PTPRN2: variants seen among roughly 807,000 people sequenced by gnomAD.
PTPRN2 encodes receptor-type tyrosine-protein phosphatase N2.
PTPRN2 carries 74 observed loss-of-function variants against 118.8 expected under a neutral mutation model. The ratio of observed to expected loss-of-function variants is 0.62; its 90% CI spans 0.52 to 0.76. The LOEUF (loss-of-function observed/expected upper bound fraction) is 0.76, where lower values mean the gene tolerates loss of function less well. Among genes scored for constraint, PTPRN2 ranks in the 30% least tolerant of loss-of-function variants. PTPRN2 has a pLI of 0.00. For missense variants in PTPRN2, 1,481 were observed against 1,394.4 expected, an observed-to-expected ratio of 1.06 and a Z score of -0.99; for synonymous variants, 641 against 608.0, an observed-to-expected ratio of 1.05 and a Z score of -0.80.
chr7:158,544,638 C>CA lies in PTPRN2; in HGVS notation c.112+42919dup, dbSNP rs201690453. On this transcript the variant is annotated intron_variant, in intron 1 of 22. Transcript: ENST00000389418. The surrounding 1 kb of genome is among the most constrained non-coding windows in gnomAD (Gnocchi z 4.2). ...GGGCAACAAGAACCAAACTCTGTCT[C>CA]AAAAAAAAAAAAAATTATGAGATTT... Among the ~76,000 whole-genome samples the CA allele has an allele frequency of 2.9e-3, 391 of 135,642 alleles. 4 individuals are homozygous for CA. The East Asian group carries it at 0.036, about 12-fold the overall frequency. The allele number at this position is 135,642 out of a possible 152,430, so 89.0% of individuals were successfully genotyped here.
intron 3 of PTPRN2, among the ~76,000 whole-genome samples, chr7:158,278,347 C>G (rs939724055): frequency 2.3e-4 from 33 of 144,660 alleles, no homozygotes; most frequent in Admixed American, 1.4e-3. Context: ...TACTAAAATA[C>G]AAAAAAAAAA....
chr7:157,725,465 T>C (rs1339516847), intron 12 of PTPRN2, among the ~76,000 whole-genome samples: 26 of 82,870 alleles, frequency 3.1e-4, no homozygotes, highest in African/African-American at 1.6e-3. Flanking sequence ...TGCAGAGGAG[T>C]GAGCCAGACC....
intron 14 of PTPRN2, among the ~76,000 whole-genome samples, chr7:157,631,738 A>G (rs936863497): frequency 2.0e-5 from 3 of 151,940 alleles, no homozygotes; most frequent in Non-Finnish European, 4.4e-5. Flanking sequence ...AGGCTGAGGC[A>G]GGAGAACGGC....
chr7:157,548,784 T>C (rs1798450370), intron 22 of PTPRN2, among the ~76,000 whole-genome samples, 162 bp downstream of exon 22: 2 of 152,098 alleles, frequency 1.3e-5, no homozygotes, highest in African/African-American at 4.8e-5. Flanking sequence ...GGCCCAGAAG[T>C]GACCCCGCCC....
At chr7:157,659,093 G>A (rs1563315387) in intron 13 of PTPRN2, among the ~76,000 whole-genome samples, 1 of 151,584 alleles carries the variant, frequency 6.6e-6, no homozygotes, top group Non-Finnish European at 1.5e-5. Flanking sequence ...CAAGCCCACC[G>A]GCACCACACC....
intron 5 of PTPRN2, among the ~76,000 whole-genome samples, chr7:158,189,861 G>A (rs73746418): frequency 0.034 from 5,238 of 152,278 alleles, 321 homozygotes; most frequent in African/African-American, 0.12. Context: ...GGAGGACAAA[G>A]CAATGATTTC....
chr7:158,233,317 T>C (rs1281941859), intron 3 of PTPRN2, among the ~76,000 whole-genome samples: 1 of 152,134 alleles, frequency 6.6e-6, no homozygotes, highest in Non-Finnish European at 1.5e-5. Flanking sequence ...CTATTTCCAA[T>C]AGCTAAACAT....
chr7:157,799,369 G>A (rs1032294117), intron 12 of PTPRN2, among the ~76,000 whole-genome samples: 3 of 152,148 alleles, frequency 2.0e-5, no homozygotes, highest in Non-Finnish European at 2.9e-5. Context: ...CTCTTGCCGT[G>A]AGACCTCCCC....
intron 12 of PTPRN2, among the ~76,000 whole-genome samples, chr7:157,759,195 G>A (rs1801989989): frequency 6.6e-6 from 1 of 152,256 alleles, no homozygotes; most frequent in Admixed American, 6.5e-5. Flanking sequence ...TGGGCGCCGT[G>A]GGCGCAGGCG....
chr7:158,149,898 G>T (rs960798683), intron 6 of PTPRN2, among the ~76,000 whole-genome samples: 2 of 151,006 alleles, frequency 1.3e-5, no homozygotes, highest in African/African-American at 2.4e-5. Context: ...TGAACAAAAA[G>T]TGGCAAGAAT....
At position 157,676,864 on chromosome 7, in the gene PTPRN2, G is replaced by A. The variant is rs1042400060; in HGVS notation, c.2001+5861C>T. ...TGCATGCAGGGGTCACCCCAGGAGC[G>A]ACCCTGGCTTTGACGAGAAGGAAGT... is the stretch of plus-strand genomic sequence containing the variant. On this transcript the variant is annotated intron_variant, in intron 13 of 22. Coordinates refer to ENST00000389418, the MANE Select transcript of PTPRN2 (RefSeq NM_002847.5). This position sits in a 1 kb window ranked among gnomAD's most constrained non-coding sequence, Gnocchi z 5.6. 6.6e-6 allele frequency among the ~76,000 whole-genome samples: 1 copy of A among 152,142 alleles called. No homozygotes were observed. Among genetic ancestry groups the A allele is most frequent in the Non-Finnish European group, 1.5e-5 (1 of 68,012 alleles).
intron 6 of PTPRN2, among the ~76,000 whole-genome samples, chr7:158,159,909 C>T (rs1299267288): frequency 7.0e-6 from 1 of 143,072 alleles, no homozygotes; most frequent in Non-Finnish European, 1.5e-5. Context: ...AAGATACAGT[C>T]CCAATTGCCA....
At chr7:158,130,701 A>AC (rs1554549570) in intron 9 of PTPRN2, among the ~76,000 whole-genome samples, 3 of 147,986 alleles carry the variant, frequency 2.0e-5, no homozygotes, top group East Asian at 2.0e-4. Context: ...ACATCTACCC[A>AC]ACACACACTC....
intron 11 of PTPRN2, among the ~76,000 whole-genome samples, chr7:158,004,732 A>T (rs1404495018): frequency 6.6e-6 from 1 of 152,226 alleles, no homozygotes; most frequent in Admixed American, 6.5e-5. Context: ...TTTACAAACC[A>T]TCTCCTTCAA....
intron 21 of PTPRN2, among the ~76,000 whole-genome samples, chr7:157,556,540 C>T (rs1041916848): frequency 6.6e-6 from 1 of 150,744 alleles, no homozygotes; most frequent in East Asian, 2.0e-4. Flanking sequence ...ACACTCGCAT[C>T]CACCCTCACG....
rs1013364273 is a variant in PTPRN2 at position 157,754,597 on chromosome 7, C to T, written c.1789-71660G>A. On this transcript the variant is annotated intron_variant, in intron 12 of 22. Transcript: ENST00000389418. ...AACTCTGCCAGGGTGGCTTCATCAC[C>T]ACCTTTGGAGGAGGCCGAGGCTCCG... Among the ~76,000 whole-genome samples, 4 of 152,260 alleles carry T rather than the reference C, an allele frequency of 2.6e-5. No homozygotes were observed. The East Asian group carries it at 7.7e-4, about 29-fold the overall frequency.
At chr7:157,766,518 T>G (rs1195924314) in intron 12 of PTPRN2, among the ~76,000 whole-genome samples, 2 of 152,228 alleles carry the variant, frequency 1.3e-5, no homozygotes, top group East Asian at 3.8e-4. Flanking sequence ...AAACAAACAC[T>G]TTCACTGAAG....
intron 2 of PTPRN2, among the ~76,000 whole-genome samples, chr7:158,376,673 C>G (rs1447892421): frequency 1.6e-5 from 2 of 124,986 alleles, no homozygotes; most frequent in Admixed American, 1.6e-4. Flanking sequence ...GGTCAGGGGA[C>G]TCCCCCACAG....
chr7:157,922,283 G>A (rs910351175), intron 11 of PTPRN2, among the ~76,000 whole-genome samples: 1 of 152,040 alleles, frequency 6.6e-6, no homozygotes, highest in Non-Finnish European at 1.5e-5. Context: ...ACTGGGTGAC[G>A]GGGCCAAGGA....
Sources: allele counts gnomAD v4.1 joint callset (sites outside exome capture counted in the v4.1 genomes callset), GRCh38; gene constraint gnomAD v4.1.1; non-coding constraint Gnocchi (gnomAD v3.1); transcripts MANE v1.5; gene names NCBI Gene and HGNC (gene_info 2026-07-23, HGNC 2026-07-21).